Variants in PTPN14 observed in about 807,000 individuals in gnomAD.
The protein encoded by PTPN14 is tyrosine-protein phosphatase non-receptor type 14.
In PTPN14, 53 loss-of-function variants were observed where a neutral mutation model predicts 126.8. The observed-to-expected ratio is 0.42, with a 90% confidence interval of 0.34 to 0.53. The LOEUF (loss-of-function observed/expected upper bound fraction) is 0.53, where lower values mean the gene tolerates loss of function less well. Ranked by LOEUF, PTPN14 falls within the 20% of genes least tolerant of loss-of-function variation. The pLI is 0.08. For missense variants in PTPN14, 1,257 were observed against 1,552.9 expected (o/e 0.81, Z 3.20); for synonymous variants, 630 against 599.3 (o/e 1.05, Z -0.75).
Position 214,521,357 on chromosome 1 carries a change from G to A in PTPN14, c.-155+29826C>T, listed in dbSNP as rs191919377. ...TCTGATATAATCATCCAATTAAAAC[G>A]GCAGATGCCTTCCTTGAGAGAAAAA... On this transcript the variant is annotated intron_variant, in intron 1 of 18. Coordinates refer to ENST00000366956, the MANE Select transcript of PTPN14 (RefSeq NM_005401.5). 2.8e-4 allele frequency among the ~76,000 whole-genome samples: 42 copies of A among 152,256 alleles called. No individual in the cohort carries two copies. The South Asian group carries it at 3.9e-3, about 14-fold the overall frequency.
Position 214,372,797 on chromosome 1 carries a change from C to A in PTPN14, c.2950G>T (p.Gly984Trp). The A allele has an allele frequency of 6.2e-7, 1 of 1,614,202 alleles. No homozygotes were observed. Among genetic ancestry groups the A allele is most frequent in the Non-Finnish European group, 8.5e-7 (1 of 1,180,042 alleles). The change falls in exon 16 of 19, where the codon GGG becomes TGG. Residue 984 changes from glycine to tryptophan, a missense_variant. By Grantham distance (184) the Gly-to-Trp change is radical. Coordinates refer to ENST00000366956, the MANE Select transcript of PTPN14 (RefSeq NM_005401.5). Reference protein sequence around the residue: ...GAEWHYIATQGPLPHTCHDFW... With the variant: ...GAEWHYIATQWPLPHTCHDFW... ...TCGTGGCACGTGTGTGGCAGGGGCC[C>A]CTGGGTGGCTATGTAGTGCCATTCT...
intron 1 of PTPN14, among the ~76,000 whole-genome samples, chr1:214,511,135 G>A (rs1449113363): frequency 6.6e-6 from 1 of 151,936 alleles, no homozygotes; most frequent in Non-Finnish European, 1.5e-5. Context: ...TGATCCTCCT[G>A]CTTTCCAAGT....
chr1:214,442,041 C>G (rs376157022), intron 3 of PTPN14, among the ~76,000 whole-genome samples: 2 of 152,168 alleles, frequency 1.3e-5, no homozygotes, highest in Non-Finnish European at 2.9e-5. Context: ...TGCTTAAGAA[C>G]TTATTTTCAA....
At chr1:214,451,687 C>A (rs544343515) in intron 3 of PTPN14, 118 bp downstream of exon 3, 4 of 1,195,442 alleles carry the variant, frequency 3.3e-6, no homozygotes, top group Non-Finnish European at 4.6e-6. Flanking sequence ...CCCTCTCCCC[C>A]ACCACACACC....
chr1:214,433,945 CACACACAAAAA>C (rs1265845154), intron 3 of PTPN14, among the ~76,000 whole-genome samples: 2 of 17,964 alleles, frequency 1.1e-4, no homozygotes, highest in Non-Finnish European at 2.1e-4. Flanking sequence ...CACACACACA[CACACACAAAAA>C]AAAAAAAAAA....
intron 3 of PTPN14, among the ~76,000 whole-genome samples, chr1:214,433,301 GA>G (rs11367290): frequency 0.41 from 62,823 of 151,564 alleles, 14,268 homozygotes; most frequent in Non-Finnish European, 0.51. Flanking sequence ...TCCAAGTATG[GA>G]AAATGTCTAC....
chr1:214,511,706 GA>G (rs1432286375), intron 1 of PTPN14, among the ~76,000 whole-genome samples: 14 of 152,172 alleles, frequency 9.2e-5, no homozygotes, highest in African/African-American at 3.1e-4. Flanking sequence ...GAGTCTTGAA[GA>G]GATATTTGCA....
At chr1:214,447,700 C>T (rs1424155973) in intron 3 of PTPN14, among the ~76,000 whole-genome samples, 1 of 152,176 alleles carries the variant, frequency 6.6e-6, no homozygotes. Context: ...TGCAAACATA[C>T]ACACATACTC....
chr1:214,492,859 C>T (rs983907982), intron 1 of PTPN14, among the ~76,000 whole-genome samples: 1 of 148,306 alleles, frequency 6.7e-6, no homozygotes, highest in African/African-American at 2.5e-5. Flanking sequence ...GATCACACTA[C>T]AGCATTCCAG....
rs558212470 is a variant in PTPN14 at position 214,365,095 on chromosome 1, C to T, written c.3272-420G>A. On this transcript the variant is annotated intron_variant, in intron 17 of 18. Transcript: ENST00000366956. ...CCCTTGAAACGCCCGCCTGTCAGAG[C>T]CAATTTCTGGTGGGGAGAGAGCATC... Among the ~76,000 whole-genome samples, 76 of 152,228 alleles carry T rather than the reference C, an allele frequency of 5.0e-4. 1 individual carries two copies. Among genetic ancestry groups the T allele is most frequent in the South Asian group, 8.3e-4 (4 of 4,822 alleles).
chr1:214,405,798 GTA>G (rs1258797851), intron 5 of PTPN14, among the ~76,000 whole-genome samples: 7 of 152,178 alleles, frequency 4.6e-5, no homozygotes, highest in Admixed American at 1.3e-4. Flanking sequence ...ATTTCACAAT[GTA>G]TTATGTCTTT....
chr1:214,383,595 C>T lies in PTPN14; in HGVS notation c.2260G>A (p.Gly754Ser), dbSNP rs184270548. Residue 754 changes from glycine (G) to serine (S), a missense_variant, in exon 13 of 19, where the codon GGT (glycine) becomes AGT (serine). Gly to Ser is a moderately conservative substitution (Grantham distance 56). Transcript: ENST00000366956. The surrounding 1 kb of genome is among the most constrained non-coding windows in gnomAD (Gnocchi z 4.4). Reference protein sequence around the residue: ...IPNKPPPEYPGPRKSVSNGAL... With the variant: ...IPNKPPPEYPSPRKSVSNGAL... The stretch of plus-strand genomic sequence containing the variant: ...CCATTGCTCACACTCTTCCTTGGAC[C>T]GGGGTACTCAGGCGGGGGCTTGTTG... 8.1e-6 allele frequency: 13 copies of T among 1,613,534 alleles called. No individual in the cohort carries two copies. The highest frequency in any genetic ancestry group is 5.0e-5 in the Admixed American group (3 of 60,026).
At chr1:214,387,709 A>C (rs1658656181) in intron 11 of PTPN14, among the ~76,000 whole-genome samples, 1 of 151,686 alleles carries the variant, frequency 6.6e-6, no homozygotes, top group Non-Finnish European at 1.5e-5. Flanking sequence ...AGAAAGAAAG[A>C]GAAAGTAAAT....
Position 214,398,009 on chromosome 1 carries a change from AG to A in PTPN14, c.670-9del. 1 of 1,595,666 alleles carries A rather than the reference AG, an allele frequency of 6.3e-7. No homozygotes were observed. Among genetic ancestry groups the A allele is most frequent in the Non-Finnish European group, 8.6e-7 (1 of 1,164,092 alleles). On this transcript the variant is annotated splice_polypyrimidine_tract_variant and intron_variant, in intron 7 of 18. Coordinates refer to ENST00000366956, the MANE Select transcript of PTPN14 (RefSeq NM_005401.5). ...ACAGTTTCCATGATTGTCCTGGGTAAGACCAACAAAAGATACTTGTGATGAC... is the reference window on the plus strand; with the variant it reads ...ACAGTTTCCATGATTGTCCTGGGTAAACCAACAAAAGATACTTGTGATGAC...
At chr1:214,359,044 T>A (rs938346193) in intron 18 of PTPN14, among the ~76,000 whole-genome samples, 10 of 151,806 alleles carry the variant, frequency 6.6e-5, no homozygotes, top group African/African-American at 2.4e-4. Context: ...CCGCCTGACC[T>A]CATTATTCCT....
At chr1:214,468,316 G>GAGGCCA (rs998430789) in intron 1 of PTPN14, among the ~76,000 whole-genome samples, 1 of 152,180 alleles carries the variant, frequency 6.6e-6, no homozygotes, top group African/African-American at 2.4e-5. Flanking sequence ...AGCACTTTGG[G>GAGGCCA]AGGCCAAGGC....
chr1:214,367,274 C>G (rs1170021198), intron 17 of PTPN14, among the ~76,000 whole-genome samples: 2 of 152,132 alleles, frequency 1.3e-5, no homozygotes, highest in African/African-American at 4.8e-5. Flanking sequence ...CTACAGATAA[C>G]AAGCCATTTG....
chr1:214,365,082 C>G (rs1330288981), intron 17 of PTPN14, among the ~76,000 whole-genome samples: 1 of 152,128 alleles, frequency 6.6e-6, no homozygotes, highest in African/African-American at 2.4e-5. Context: ...CTTGAAACGC[C>G]CGCCTGTCAG....
At chr1:214,500,092 TTC>T (rs1179982416) in intron 1 of PTPN14, among the ~76,000 whole-genome samples, 1 of 151,832 alleles carries the variant, frequency 6.6e-6, no homozygotes, top group African/African-American at 2.4e-5. Context: ...TGGATCATGA[TTC>T]CAGTTTACGG....
Sources: gnomAD v4.1 joint callset for allele counts (sites outside exome capture counted in the v4.1 genomes callset) on GRCh38, gnomAD v4.1.1 for gene constraint, Gnocchi (gnomAD v3.1) non-coding constraint, MANE v1.5 for transcripts, NCBI Gene and HGNC (gene_info 2026-07-23, HGNC 2026-07-21) for gene names.